The following IQCH variants were observed in gnomAD, a reference collection of about 807,000 sequenced individuals.
The protein encoded by IQCH is IQ domain-containing protein H.
Under a neutral mutation model 117.0 loss-of-function variants are expected in IQCH, and 98 were observed. The observed-to-expected ratio is 0.84, with a 90% CI of 0.71 to 0.99. The LOEUF is 0.99. IQCH is among the 50% of genes least tolerant of loss of function. The pLI, the probability that IQCH is intolerant of heterozygous loss-of-function variation, is 0.00. For missense variants in IQCH, 1,102 were observed against 1,243.8 expected (o/e 0.89, Z 1.72); for synonymous variants, 412 against 448.2 (o/e 0.92, Z 1.02).
At chr15:67,262,672 TAA>T (rs1233019489) in intron 2 of IQCH, among the ~76,000 whole-genome samples, 1 of 152,146 alleles carries the variant, frequency 6.6e-6, no homozygotes, top group Non-Finnish European at 1.5e-5. Context: ...ATTTTATTTG[TAA>T]AGAGTGCCAT....
Position 67,279,463 on chromosome 15 carries a change from A to C in IQCH, c.338A>C (p.Gln113Pro). Residue 113 changes from glutamine to proline, a missense_variant, in exon 4 of 21, where the codon CAA becomes CCA. This residue lies in a region of IQCH where 452 missense variants were observed against 449.6 expected (regional missense o/e 1.01). Coordinates refer to ENST00000335894, the MANE Select transcript of IQCH (RefSeq NM_001031715.3). ...FPQESEGTFW[Q>P]PQRQHSSSLP... ...CAGGAATCTGAGGGTACATTTTGGC[A>C]ACCCCAAAGACAGCACAGTTCATCT... 1 of 1,611,736 alleles carries C rather than the reference A, an allele frequency of 6.2e-7. No homozygotes were observed. The highest frequency in any genetic ancestry group is 8.5e-7 in the Non-Finnish European group (1 of 1,178,514).
chr15:67,396,844 G>C (rs1701262752), intron 13 of IQCH, among the ~76,000 whole-genome samples: 1 of 152,226 alleles, frequency 6.6e-6, no homozygotes, highest in Admixed American at 6.5e-5. Flanking sequence ...TTAGTTTGAA[G>C]ATACTATTAG....
rs199582500 is a variant in IQCH at position 67,372,407 on chromosome 15, T to G, written c.1050T>G (p.Ala350=). The G allele has an allele frequency of 2.7e-5, 44 of 1,613,994 alleles. No individual in the cohort carries two copies. Among genetic ancestry groups the G allele is most frequent in the Non-Finnish European group, 3.5e-5 (41 of 1,180,010 alleles). The change falls in exon 9 of 21, where the codon GCT becomes GCG. Residue 350 remains alanine (A), a synonymous_variant. Coordinates refer to ENST00000335894, the MANE Select transcript of IQCH (RefSeq NM_001031715.3). ...TTCTCTCAGTGTTAGAGGACCCAGC[T>G]CATGTCCAAATGCTGATAAATCTTC... is the stretch of plus-strand genomic sequence containing the variant. ...YDLLSVLEDP[A]HVQMLINLPG...
intron 13 of IQCH, among the ~76,000 whole-genome samples, chr15:67,396,908 G>A (rs1160486085): frequency 1.3e-5 from 2 of 152,214 alleles, no homozygotes; most frequent in African/African-American, 2.4e-5. Context: ...CTTGGGCAAT[G>A]TTCATGGGCT....
chr15:67,438,648 T>G (rs1256015136), intron 16 of IQCH, among the ~76,000 whole-genome samples: 1 of 152,186 alleles, frequency 6.6e-6, no homozygotes, highest in African/African-American at 2.4e-5. Flanking sequence ...ACCAACCAAC[T>G]ATCTGCTCCT....
chr15:67,296,976 A>G lies in IQCH; in HGVS notation c.387+17464A>G, dbSNP rs191787838. On this transcript the variant is annotated intron_variant, in intron 4 of 20. Coordinates refer to ENST00000335894, the MANE Select transcript of IQCH (RefSeq NM_001031715.3). ...CCCCTAACCCTTCTCTTATTCTCCA[A>G]TTCAACTCCTGTAGGAATGAGAAAA... Among the ~76,000 whole-genome samples, 131 of 152,296 alleles carry G rather than the reference A, an allele frequency of 8.6e-4. 1 individual carries two copies. Among genetic ancestry groups the G allele is most frequent in the Non-Finnish European group, 1.3e-3 (88 of 68,016 alleles).
rs184959500 is a variant in IQCH, at chr15:67,465,807, G to A, written c.2676+510G>A. Among the ~76,000 whole-genome samples the A allele has an allele frequency of 1.3e-5, 2 of 152,164 alleles. No individual in the cohort carries two copies. The highest frequency in any genetic ancestry group is 2.4e-5 in the African/African-American group (1 of 41,446). ...CCCACATCCAGTCAGCAAGCAGGGC[G>A]TGTTGAGTCTAGCTACGAAAATGCC... On this transcript the variant is annotated intron_variant, in intron 17 of 20. Coordinates refer to ENST00000335894, the MANE Select transcript of IQCH (RefSeq NM_001031715.3). This position sits in a 1 kb window ranked among gnomAD's most constrained non-coding sequence, Gnocchi z 5.9.
intron 3 of IQCH, among the ~76,000 whole-genome samples, chr15:67,271,745 A>G (rs1345100676): frequency 6.6e-6 from 1 of 151,906 alleles, no homozygotes; most frequent in Non-Finnish European, 1.5e-5. Context: ...AATTCTTTGT[A>G]TTTCTGTGGT....
At chr15:67,284,956 C>T (rs1482374358) in intron 4 of IQCH, among the ~76,000 whole-genome samples, 1 of 152,100 alleles carries the variant, frequency 6.6e-6, no homozygotes, top group African/African-American at 2.4e-5. Flanking sequence ...GATTTATATT[C>T]CTTTGGGCGT....
intron 3 of IQCH, among the ~76,000 whole-genome samples, chr15:67,277,530 CTTTTTT>C (rs574311972): frequency 1.5e-4 from 19 of 128,842 alleles, no homozygotes; most frequent in African/African-American, 1.5e-4. Flanking sequence ...CCTCCAGTAT[CTTTTTT>C]TTTTTTTTTT....
chr15:67,280,875 T>C (rs1316101315), intron 4 of IQCH, among the ~76,000 whole-genome samples: 1 of 151,478 alleles, frequency 6.6e-6, no homozygotes, highest in Non-Finnish European at 1.5e-5. Flanking sequence ...AGATGGAGTT[T>C]CACTCTTGTC....
At chr15:67,468,678 A>G (rs2082994129) in intron 17 of IQCH, among the ~76,000 whole-genome samples, 1 of 152,228 alleles carries the variant, frequency 6.6e-6, no homozygotes. Flanking sequence ...GTTCTGTGTT[A>G]TTGCAGCCAC....
At position 67,443,477 on chromosome 15, in the gene IQCH, A is replaced by G. The variant is rs535726865; in HGVS notation, c.2506-21650A>G. Among the ~76,000 whole-genome samples the G allele has an allele frequency of 7.2e-5, 11 of 152,274 alleles. No homozygotes were observed. In the Middle Eastern group the frequency reaches 0.024, roughly 330 times the overall value. On this transcript the variant is annotated intron_variant, in intron 16 of 20. Coordinates refer to ENST00000335894, the MANE Select transcript of IQCH (RefSeq NM_001031715.3). This position sits in a 1 kb window ranked among gnomAD's most constrained non-coding sequence, Gnocchi z 5.0. Reference sequence around the variant, plus strand: ...AAAGACCACAAATATGGTGGAGTGTATACTGCTTGGGTGATGGGTGCAGCA... The same window carrying G: ...AAAGACCACAAATATGGTGGAGTGTGTACTGCTTGGGTGATGGGTGCAGCA...
At chr15:67,322,523 T>C (rs557193040) in intron 4 of IQCH, among the ~76,000 whole-genome samples, 1 of 152,322 alleles carries the variant, frequency 6.6e-6, no homozygotes, top group Admixed American at 6.5e-5. Flanking sequence ...CACAGGACTT[T>C]CCTTGTCTAC....
intron 8 of IQCH, among the ~76,000 whole-genome samples, chr15:67,368,342 T>A (rs1224633918): frequency 6.6e-6 from 1 of 152,200 alleles, no homozygotes; most frequent in Non-Finnish European, 1.5e-5. Context: ...ATCATGTACA[T>A]CTTTTGAACA....
intron 3 of IQCH, among the ~76,000 whole-genome samples, chr15:67,268,611 A>G (rs1023212308): frequency 6.6e-6 from 1 of 152,222 alleles, no homozygotes; most frequent in Non-Finnish European, 1.5e-5. Flanking sequence ...AGAAACAAGA[A>G]CAAAGCAAGT....
At chr15:67,418,156 A>G (rs1482773697) in intron 15 of IQCH, among the ~76,000 whole-genome samples, 2 of 152,068 alleles carry the variant, frequency 1.3e-5, no homozygotes, top group African/African-American at 4.8e-5. Flanking sequence ...ATGAAAAGCT[A>G]CCTCCGTGCT....
chr15:67,446,087 T>C (rs1359317536), intron 16 of IQCH, among the ~76,000 whole-genome samples: 1 of 152,202 alleles, frequency 6.6e-6, no homozygotes, highest in Admixed American at 6.5e-5. Context: ...AAGACATTTC[T>C]CAAAGAAATG....
intron 12 of IQCH, among the ~76,000 whole-genome samples, chr15:67,389,390 G>A (rs1971209250): frequency 6.6e-6 from 1 of 152,136 alleles, no homozygotes; most frequent in African/African-American, 2.4e-5. Flanking sequence ...TCTCTTTGCT[G>A]ATCCACACAG....
Sources: gnomAD v4.1 joint callset for allele counts (sites outside exome capture counted in the v4.1 genomes callset) on GRCh38, gnomAD v4.1.1 for gene constraint, gnomAD v4.1.1 regional missense constraint, Gnocchi (gnomAD v3.1) non-coding constraint, MANE v1.5 for transcripts, NCBI Gene and HGNC (gene_info 2026-07-23, HGNC 2026-07-21) for gene names.